Variants in STK39 observed in about 807,000 individuals in gnomAD.
The protein encoded by STK39 is STE20/SPS1-related proline-alanine-rich protein kinase.
In STK39, 20 loss-of-function variants were observed where a neutral mutation model predicts 77.8. The observed-to-expected ratio is 0.26, with a 90% CI of 0.18 to 0.37. STK39 has a LOEUF of 0.37. Among genes scored for constraint, STK39 ranks in the 10% least tolerant of loss-of-function variants. The probability of loss-of-function intolerance (pLI) is 1.00; values close to 1 mark genes in which losing one functional copy is unlikely to be tolerated. For synonymous variants in STK39, 246 were observed against 234.1 expected, an observed-to-expected ratio of 1.05 and a Z score of -0.47; for missense variants, 479 against 656.5, an observed-to-expected ratio of 0.73 and a Z score of 2.95.
chr2:168,168,854 G>T (rs1325320787), intron 2 of STK39, among the ~76,000 whole-genome samples: 1 of 152,106 alleles, frequency 6.6e-6, no homozygotes, highest in Non-Finnish European at 1.5e-5. Flanking sequence ...GTGGTGGTGT[G>T]CGCCTGTAGT....
At chr2:168,075,324 C>T in intron 10 of STK39, 93 bp from the exon 11 acceptor site, 2 of 1,537,664 alleles carry the variant, frequency 1.3e-6, no homozygotes, top group South Asian at 1.2e-5. Flanking sequence ...TACACACCAA[C>T]CTGAAAATAA....
chr2:168,048,311 C>T (rs918564530), intron 14 of STK39, among the ~76,000 whole-genome samples: 2 of 151,696 alleles, frequency 1.3e-5, no homozygotes, highest in Non-Finnish European at 2.9e-5. Context: ...CTCCCAGGTT[C>T]ATGCCATTCT....
At chr2:168,104,325 T>C (rs1686913495) in intron 10 of STK39, among the ~76,000 whole-genome samples, 1 of 151,914 alleles carries the variant, frequency 6.6e-6, no homozygotes, top group African/African-American at 2.4e-5. Flanking sequence ...GGAAAAAAAA[T>C]CCCACAACAT....
At chr2:168,181,804 C>A (rs1010851192) in intron 2 of STK39, among the ~76,000 whole-genome samples, 174 bp downstream of exon 2, 24 of 152,200 alleles carry the variant, frequency 1.6e-4, no homozygotes, top group African/African-American at 4.8e-4. Context: ...CATTATACAA[C>A]ACAATCATAA....
At chr2:168,117,512 A>G (rs1266852730) in intron 10 of STK39, among the ~76,000 whole-genome samples, 1 of 152,228 alleles carries the variant, frequency 6.6e-6, no homozygotes, top group African/African-American at 2.4e-5. Flanking sequence ...AGTAAGCTAT[A>G]AATGACACCA....
At chr2:168,001,187 A>T (rs912364489) in intron 16 of STK39, among the ~76,000 whole-genome samples, 2 of 151,904 alleles carry the variant, frequency 1.3e-5, no homozygotes, top group African/African-American at 2.4e-5. Context: ...TCTGAAAAAC[A>T]TTAGCCCAAG....
At chr2:168,243,088 G>A (rs1055590032) in intron 1 of STK39, among the ~76,000 whole-genome samples, 2 of 152,116 alleles carry the variant, frequency 1.3e-5, no homozygotes, top group African/African-American at 4.8e-5. Context: ...AAGGCAGCCT[G>A]GTATAAAGGT....
At chr2:168,208,427 A>T (rs561550224) in intron 1 of STK39, among the ~76,000 whole-genome samples, 26 of 152,172 alleles carry the variant, frequency 1.7e-4, no homozygotes, top group Non-Finnish European at 3.1e-4. Flanking sequence ...CTATCCTTAT[A>T]TTTTTAGTCC....
intron 1 of STK39, among the ~76,000 whole-genome samples, chr2:168,197,717 G>T (rs924040813): frequency 6.6e-6 from 1 of 152,134 alleles, no homozygotes; most frequent in African/African-American, 2.4e-5. Context: ...AGGCTTAAAA[G>T]AAATAATTAA....
chr2:168,118,888 A>G lies in STK39; in HGVS notation c.1089+10653T>C, dbSNP rs1687333589. On this transcript the variant is annotated intron_variant, in intron 10 of 17. Transcript: ENST00000355999. Reference sequence around the variant, plus strand: ...CTCTTTTCTGACCAAAGGAACTCTCAGTTCTCAAATAACTAAAAAGCAAAG... The same window carrying G: ...CTCTTTTCTGACCAAAGGAACTCTCGGTTCTCAAATAACTAAAAAGCAAAG... 5.9e-5 allele frequency among the ~76,000 whole-genome samples: 9 copies of G among 152,180 alleles called. 1 individual carries two copies. The highest frequency in any genetic ancestry group is 5.9e-4 in the Admixed American group (9 of 15,274).
chr2:167,982,884 G>C (rs973937676), intron 16 of STK39, among the ~76,000 whole-genome samples: 4 of 152,156 alleles, frequency 2.6e-5, no homozygotes, highest in African/African-American at 7.2e-5. Context: ...CCATCTCACA[G>C]AAGTAATCTT....
chr2:168,218,077 A>T (rs1690070861), intron 1 of STK39, among the ~76,000 whole-genome samples: 1 of 152,252 alleles, frequency 6.6e-6, no homozygotes, highest in South Asian at 2.1e-4. Context: ...GTCATCATTA[A>T]GGAGGCAATA....
intron 2 of STK39, among the ~76,000 whole-genome samples, chr2:168,177,538 A>G (rs529553139): frequency 4.8e-4 from 73 of 152,356 alleles, no homozygotes; most frequent in African/African-American, 1.7e-3. Flanking sequence ...AGTAACCTGA[A>G]CATCACAAAA....
chr2:168,241,077 A>AG (rs1365015482), intron 1 of STK39, among the ~76,000 whole-genome samples: 1 of 151,206 alleles, frequency 6.6e-6, no homozygotes, highest in Admixed American at 6.6e-5. Flanking sequence ...TAGCAGTGAA[A>AG]GGAAGAAACG....
rs1196443232 is a variant in STK39 at position 168,061,459 on chromosome 2, AT to A, written c.1376+2040del. ...ATATTTAATGTTAATATTCCTTATG[AT>A]TTCCAAAAAAAAGTGTATGTGCGTG... On this transcript the variant is annotated intron_variant, in intron 14 of 17. Transcript: ENST00000355999. 1.7e-4 allele frequency among the ~76,000 whole-genome samples: 10 copies of A among 58,606 alleles called. 1 individual carries two copies. In the East Asian group the frequency reaches 2.3e-3, roughly 14 times the overall value. 38.4% of individuals were successfully genotyped at this position (58,606 alleles called of 152,430 possible).
intron 17 of STK39, among the ~76,000 whole-genome samples, chr2:167,963,372 C>T (rs1692051154): frequency 6.6e-6 from 1 of 151,952 alleles, no homozygotes; most frequent in Non-Finnish European, 1.5e-5. Context: ...GAGAAAAGTC[C>T]AGCATGAGAG....
chr2:168,137,859 T>G (rs1687878522), intron 8 of STK39, among the ~76,000 whole-genome samples: 1 of 152,250 alleles, frequency 6.6e-6, no homozygotes, highest in Non-Finnish European at 1.5e-5. Context: ...CAGTGAATCT[T>G]GTTAACACCA....
intron 1 of STK39, among the ~76,000 whole-genome samples, chr2:168,188,030 T>C (rs576815726): frequency 6.6e-6 from 1 of 152,234 alleles, no homozygotes; most frequent in East Asian, 1.9e-4. Flanking sequence ...TCCTTAAGTA[T>C]GCTCAGCTGT....
At chr2:168,014,116 T>C (rs1043240378) in intron 15 of STK39, among the ~76,000 whole-genome samples, 18 of 152,132 alleles carry the variant, frequency 1.2e-4, no homozygotes, top group African/African-American at 4.1e-4. Flanking sequence ...AATAAATATA[T>C]AGGAATCTTA....
Sources: gnomAD v4.1 joint callset for allele counts (sites outside exome capture counted in the v4.1 genomes callset) on GRCh38, gnomAD v4.1.1 for gene constraint, MANE v1.5 for transcripts, NCBI Gene and HGNC (gene_info 2026-07-23, HGNC 2026-07-21) for gene names.